VPS13B: variants seen among roughly 807,000 people sequenced by gnomAD.
The protein encoded by VPS13B is intermembrane lipid transfer protein VPS13B.
VPS13B carries 285 observed loss-of-function variants against 426.4 expected under a neutral mutation model. That is an observed-to-expected ratio of 0.67 (90% CI 0.61 to 0.74). The LOEUF (loss-of-function observed/expected upper bound fraction) is 0.74. Among genes scored for constraint, VPS13B ranks in the 30% least tolerant of loss-of-function variants. The pLI is 0.00. For missense variants in VPS13B, 4,537 were observed against 4,782.6 expected (o/e 0.95, Z 1.51); for synonymous variants, 1,676 against 1,676.4 (o/e 1.00, Z 0.01).
rs1818827959 is a variant in VPS13B, at chr8:99,275,150, C to T, written c.2720C>T (p.Thr907Ile). Residue 907 changes from threonine to isoleucine, a missense_variant, in exon 19 of 62, where the codon ACC becomes ATC. By Grantham distance (89) the Thr-to-Ile change is moderately conservative. Around this residue, in one of 2 missense-constraint regions of VPS13B, gnomAD observed 4,311 missense variants for 4,474.3 expected, o/e 0.96. Coordinates refer to ENST00000357162, the MANE Select transcript of VPS13B (RefSeq NM_152564.5). Reference protein sequence around the residue: ...GPSDTKDLHSTKWLNESRKPE... With the variant: ...GPSDTKDLHSIKWLNESRKPE... ...TCTGACACTAAAGACCTTCATAGCACCAAGTGGCTCAATGAGAGTAGAAAG... is the reference window on the plus strand; with the variant it reads ...TCTGACACTAAAGACCTTCATAGCATCAAGTGGCTCAATGAGAGTAGAAAG... 6.2e-7 allele frequency: 1 copy of T among 1,612,694 alleles called. No individual in the cohort carries two copies. The highest frequency in any genetic ancestry group is 1.3e-5 in the African/African-American group (1 of 74,872).
intron 41 of VPS13B, among the ~76,000 whole-genome samples, chr8:99,778,390 T>C (rs965762658): frequency 6.6e-6 from 1 of 152,200 alleles, no homozygotes; most frequent in Non-Finnish European, 1.5e-5. Context: ...TCTCTTTAGA[T>C]AGATACCTGC....
At chr8:99,455,958 T>C (rs147575166) in intron 23 of VPS13B, among the ~76,000 whole-genome samples, 204 of 152,350 alleles carry the variant, frequency 1.3e-3, no homozygotes, top group African/African-American at 4.8e-3. Flanking sequence ...TTGTAACTGA[T>C]CATTGATAGA....
chr8:99,233,684 G>T, intron 17 of VPS13B: 1 of 807,272 alleles, frequency 1.2e-6, no homozygotes, highest in South Asian at 1.3e-5. Flanking sequence ...GGTTCTTTCC[G>T]GGTTGCATAT....
chr8:99,323,099 A>T (rs944468685), intron 19 of VPS13B, among the ~76,000 whole-genome samples: 1 of 152,068 alleles, frequency 6.6e-6, no homozygotes, highest in Non-Finnish European at 1.5e-5. Flanking sequence ...GCCAGTTCGT[A>T]CTCTTTCGTT....
chr8:99,125,673 A>G (rs1563555349), intron 8 of VPS13B, among the ~76,000 whole-genome samples: 2 of 152,220 alleles, frequency 1.3e-5, no homozygotes, highest in Non-Finnish European at 2.9e-5. Flanking sequence ...GTTTCTGCCT[A>G]GTATGATGTA....
chr8:99,199,571 T>G (rs1339846363), intron 17 of VPS13B, among the ~76,000 whole-genome samples: 1 of 152,182 alleles, frequency 6.6e-6, no homozygotes, highest in Non-Finnish European at 1.5e-5. Context: ...TAATTCATAT[T>G]ATTGATAGTT....
chr8:99,489,078 A>G (rs1388984563), intron 25 of VPS13B, among the ~76,000 whole-genome samples: 2 of 152,134 alleles, frequency 1.3e-5, no homozygotes, highest in East Asian at 1.9e-4. Context: ...TAAGGAAGGG[A>G]TCCAGTTTCA....
rs151074361 is a variant in VPS13B, at chr8:99,057,434, T to C, written c.291+18868T>C. On this transcript the variant is annotated intron_variant, in intron 3 of 61. Transcript: ENST00000357162. ...CACTTTCTTGGCTCCTCTGATTCTT[T>C]CCCTACATCTTTGGCACCCTGTCTC... Among the ~76,000 whole-genome samples the C allele has an allele frequency of 6.3e-3, 961 of 152,274 alleles. 8 individuals carry two copies. The highest frequency in any genetic ancestry group is 0.022 in the African/African-American group (902 of 41,550).
At chr8:99,666,473 C>A (rs2129828319) in intron 35 of VPS13B, among the ~76,000 whole-genome samples, 1 of 152,266 alleles carries the variant, frequency 6.6e-6, no homozygotes, top group African/African-American at 2.4e-5. Context: ...ATCAAGTGGG[C>A]TTCATCCCTG....
chr8:99,353,522 A>G (rs569383068), intron 19 of VPS13B, among the ~76,000 whole-genome samples: 1 of 151,600 alleles, frequency 6.6e-6, no homozygotes, highest in South Asian at 2.1e-4. Flanking sequence ...CGGTTCATCA[A>G]TTTTGAAGGC....
At chr8:99,148,553 G>T (rs1810878647) in intron 14 of VPS13B, among the ~76,000 whole-genome samples, 1 of 151,976 alleles carries the variant, frequency 6.6e-6, no homozygotes, top group African/African-American at 2.4e-5. Flanking sequence ...GGGCCTAGAA[G>T]TCAGACCATA....
chr8:99,014,557 A>G (rs965436657), intron 2 of VPS13B, among the ~76,000 whole-genome samples: 1 of 152,052 alleles, frequency 6.6e-6, no homozygotes, highest in Non-Finnish European at 1.5e-5. Flanking sequence ...AGCATTATGA[A>G]TGTGCTAATT....
intron 43 of VPS13B, among the ~76,000 whole-genome samples, chr8:99,790,426 G>A (rs763097521): frequency 1.3e-5 from 2 of 151,918 alleles, no homozygotes; most frequent in African/African-American, 2.4e-5. Flanking sequence ...TACTTATTGC[G>A]TTTAAATATA....
intron 16 of VPS13B, among the ~76,000 whole-genome samples, chr8:99,188,925 G>T (rs572780870): frequency 5.9e-5 from 9 of 152,114 alleles, no homozygotes; most frequent in Non-Finnish European, 1.2e-4. Context: ...TGTGTATCTT[G>T]TTCTTGTTGA....
intron 52 of VPS13B, among the ~76,000 whole-genome samples, chr8:99,833,942 C>G (rs750024615): frequency 6.6e-6 from 1 of 152,222 alleles, no homozygotes; most frequent in Non-Finnish European, 1.5e-5. Flanking sequence ...AAGAACTATA[C>G]TCTTAAAATG....
intron 2 of VPS13B, among the ~76,000 whole-genome samples, chr8:99,036,534 A>G (rs997314718): frequency 1.3e-5 from 2 of 151,934 alleles, no homozygotes; most frequent in African/African-American, 2.4e-5. Context: ...TTCCTCTGTG[A>G]TTTTGAAATT....
At chr8:99,490,296 G>A (rs558408415) in intron 25 of VPS13B, among the ~76,000 whole-genome samples, 107 of 152,238 alleles carry the variant, frequency 7.0e-4, no homozygotes, top group African/African-American at 1.9e-3. Flanking sequence ...TGCTGGATTC[G>A]GTTTGCCAGT....
chr8:99,273,093 G>C (rs1380463487), intron 17 of VPS13B, among the ~76,000 whole-genome samples: 1 of 150,850 alleles, frequency 6.6e-6, no homozygotes, highest in East Asian at 2.0e-4. Flanking sequence ...TCCTCAACCT[G>C]TATTTTGTTT....
chr8:99,853,487 C>T lies in VPS13B; in HGVS notation c.10098C>T (p.Ile3366=), dbSNP rs1286331531. 6.2e-7 allele frequency: 1 copy of T among 1,614,194 alleles called. No homozygotes were observed. The highest frequency in any genetic ancestry group is 1.1e-5 in the South Asian group (1 of 91,064). The stretch of plus-strand genomic sequence containing the variant: ...AGATTGTTACATTTAAAATGTTCAT[C>T]ACTCAGTTAAGCCTGGCAGTGTTTG... ...PEKIVTFKMF[I]TQLSLAVFDD... The change falls in exon 56 of 62, where the codon ATC becomes ATT. Residue 3366 remains isoleucine, a synonymous_variant. Transcript: ENST00000357162.
Sources: gnomAD v4.1 joint callset for allele counts (sites outside exome capture counted in the v4.1 genomes callset) on GRCh38, gnomAD v4.1.1 for gene constraint, gnomAD v4.1.1 regional missense constraint, MANE v1.5 for transcripts, NCBI Gene and HGNC (gene_info 2026-07-23, HGNC 2026-07-21) for gene names.